Variants in ELMO1 observed in about 807,000 individuals in gnomAD.
ELMO1 encodes engulfment and cell motility protein 1.
ELMO1 carries 26 observed loss-of-function variants against 98.9 expected under a neutral mutation model. The ratio of observed to expected loss-of-function variants is 0.26; its 90% CI spans 0.19 to 0.36. The LOEUF (loss-of-function observed/expected upper bound fraction) is 0.36. Ranked by LOEUF, ELMO1 falls within the 10% of genes least tolerant of loss-of-function variation. The pLI, the probability that ELMO1 is intolerant of heterozygous loss-of-function variation, is 1.00. For synonymous variants in ELMO1, 346 were observed against 346.0 expected (o/e 1.00, Z 0.00); for missense variants, 627 against 935.2 (o/e 0.67, Z 4.30).
chr7:37,391,042 TCCTTCCTTCCTTCCTTCCTC>T (rs1341417797), intron 1 of ELMO1, among the ~76,000 whole-genome samples: 8 of 148,426 alleles, frequency 5.4e-5, no homozygotes, highest in Admixed American at 4.0e-4. Flanking sequence ...CTTCCTTCCT[TCCTTCCTTCCTTCCTTCCTC>T]CCTCCCTCCC....
At chr7:37,188,501 A>AAAAAAATAATAAT (rs764889756) in intron 13 of ELMO1, among the ~76,000 whole-genome samples, 1 of 125,960 alleles carries the variant, frequency 7.9e-6, no homozygotes, top group African/African-American at 3.0e-5. Context: ...AAAAAAAAAA[A>AAAAAAATAATAAT]AATAATAATA....
intron 16 of ELMO1, among the ~76,000 whole-genome samples, chr7:36,931,771 G>C (rs1360776479): frequency 1.3e-5 from 2 of 152,216 alleles, no homozygotes; most frequent in Non-Finnish European, 2.9e-5. Context: ...TCCAATGCTT[G>C]AGCTGCGTAA....
At chr7:36,898,886 G>A (rs1254916107) in intron 16 of ELMO1, among the ~76,000 whole-genome samples, 3 of 152,208 alleles carry the variant, frequency 2.0e-5, no homozygotes, top group African/African-American at 4.8e-5. Context: ...GGGAAGACGC[G>A]ATGTCACAGG....
intron 14 of ELMO1, among the ~76,000 whole-genome samples, chr7:37,105,503 T>C (rs761386231): frequency 3.9e-5 from 6 of 152,340 alleles, no homozygotes; most frequent in African/African-American, 2.4e-5. Context: ...GAGCTTCTAT[T>C]AGAATCCTCT....
intron 15 of ELMO1, among the ~76,000 whole-genome samples, chr7:37,033,956 C>CA (rs941078843): frequency 8.6e-5 from 13 of 150,302 alleles, no homozygotes; most frequent in South Asian, 2.1e-4. Context: ...AGTGCTGTGC[C>CA]AAAAAAAAAT....
At chr7:37,065,684 T>C (rs978028008) in intron 15 of ELMO1, among the ~76,000 whole-genome samples, 2 of 152,212 alleles carry the variant, frequency 1.3e-5, no homozygotes, top group African/African-American at 4.8e-5. Flanking sequence ...CAGTTTATTT[T>C]CTCTGCATAG....
chr7:36,939,942 C>T (rs771483903), intron 16 of ELMO1, among the ~76,000 whole-genome samples: 1 of 152,222 alleles, frequency 6.6e-6, no homozygotes, highest in African/African-American at 2.4e-5. Context: ...ATAACACACA[C>T]CTTATCCTTA....
At chr7:37,429,809 T>C (rs1246730251) in intron 1 of ELMO1, 3 of 152,308 alleles carry the variant, frequency 2.0e-5, no homozygotes, top group African/African-American at 7.2e-5. Flanking sequence ...GGAATGGAAC[T>C]AGAGGGAAGA....
intron 15 of ELMO1, among the ~76,000 whole-genome samples, chr7:37,016,484 T>C (rs768696882): frequency 2.0e-5 from 3 of 152,204 alleles, no homozygotes; most frequent in Non-Finnish European, 4.4e-5. Context: ...CCTCCTTTAG[T>C]TGACATCAAG....
chr7:37,107,422 C>T (rs558819041), intron 14 of ELMO1, among the ~76,000 whole-genome samples: 1 of 152,226 alleles, frequency 6.6e-6, no homozygotes, highest in South Asian at 2.1e-4. Context: ...CATTCCACAC[C>T]AGAAGTGAGC....
At chr7:37,066,578 C>T (rs1313183617) in intron 15 of ELMO1, among the ~76,000 whole-genome samples, 2 of 151,944 alleles carry the variant, frequency 1.3e-5, no homozygotes, top group African/African-American at 4.8e-5. Flanking sequence ...TCTATACCAC[C>T]GTAGGATGAC....
chr7:37,442,479 C>T lies in ELMO1; in HGVS notation c.-74+6196G>A, dbSNP rs560068629. Among the ~76,000 whole-genome samples, 9 of 152,352 alleles carry T rather than the reference C, an allele frequency of 5.9e-5. No homozygotes were observed. The East Asian group carries it at 1.7e-3, about 29-fold the overall frequency. On this transcript the variant is annotated intron_variant, in intron 1 of 21. Transcript: ENST00000310758. ...AGGTGGTTCCATGCTTTTGCCTTCA[C>T]CATGACTCATCCACAGAGGAAAAAT... is the stretch of plus-strand genomic sequence containing the variant.
intron 16 of ELMO1, among the ~76,000 whole-genome samples, chr7:36,981,850 A>T (rs1791079477): frequency 6.6e-6 from 1 of 152,240 alleles, no homozygotes; most frequent in African/African-American, 2.4e-5. Context: ...CATGTTTGTG[A>T]ATACTAACAT....
At chr7:37,309,112 T>C (rs1798767390) in intron 4 of ELMO1, among the ~76,000 whole-genome samples, 1 of 152,138 alleles carries the variant, frequency 6.6e-6, no homozygotes, top group Admixed American at 6.5e-5. Flanking sequence ...TACCTGAGAC[T>C]GGGTAATTTA....
chr7:37,344,904 A>T (rs113435197), intron 1 of ELMO1, among the ~76,000 whole-genome samples: 133 of 152,332 alleles, frequency 8.7e-4, no homozygotes, highest in African/African-American at 3.0e-3. Flanking sequence ...CGAAGATCTT[A>T]AACATGTGCA....
At chr7:37,325,832 G>T (rs1326958294) in intron 2 of ELMO1, among the ~76,000 whole-genome samples, 1 of 152,180 alleles carries the variant, frequency 6.6e-6, no homozygotes, top group Non-Finnish European at 1.5e-5. Flanking sequence ...ATAGCATGTT[G>T]ACTACAACGT....
At chr7:37,356,511 T>G (rs988600708) in intron 1 of ELMO1, among the ~76,000 whole-genome samples, 3 of 151,974 alleles carry the variant, frequency 2.0e-5, no homozygotes, top group Non-Finnish European at 4.4e-5. Flanking sequence ...CTCAGCAAAC[T>G]AACACAGGAA....
At chr7:37,134,283 A>G (rs937026683) in intron 13 of ELMO1, among the ~76,000 whole-genome samples, 6 of 152,202 alleles carry the variant, frequency 3.9e-5, no homozygotes, top group Non-Finnish European at 7.3e-5. Context: ...AAAGGAAAAG[A>G]AATAATTGGC....
In ELMO1 at chr7:37,431,849, T is replaced by C. The variant is rs538578907; in HGVS notation, c.-74+16826A>G. On this transcript the variant is annotated intron_variant, in intron 1 of 21. Transcript: ENST00000310758. ...GTAGGGACTTATGGAGGCCAGGTGA[T>C]CTATGAAGTTTGTTTTTTGTTTGTT... Among the ~76,000 whole-genome samples, 13 of 152,254 alleles carry C rather than the reference T, an allele frequency of 8.5e-5. No homozygotes were observed. In the East Asian group the frequency reaches 2.5e-3, roughly 29 times the overall value.
Sources: gnomAD v4.1 joint callset for allele counts (sites outside exome capture counted in the v4.1 genomes callset) on GRCh38, gnomAD v4.1.1 for gene constraint, MANE v1.5 for transcripts, NCBI Gene and HGNC (gene_info 2026-07-23, HGNC 2026-07-21) for gene names.